ERCC6L2: variants seen among roughly 807,000 people sequenced by gnomAD.
ERCC6L2 encodes ERCC excision repair 6 like 2, also known as DNA excision repair protein ERCC-6-like 2.
In ERCC6L2, 77 loss-of-function variants were observed where a neutral mutation model predicts 132.0. The ratio of observed to expected loss-of-function variants is 0.58; its 90% confidence interval spans 0.49 to 0.71. The LOEUF (loss-of-function observed/expected upper bound fraction) is 0.71. ERCC6L2 is among the 30% of genes least tolerant of loss of function. The pLI is 0.00. For synonymous variants in ERCC6L2, 583 were observed against 632.4 expected, an observed-to-expected ratio of 0.92 and a Z score of 1.17; for missense variants, 1,542 against 1,837.6, an observed-to-expected ratio of 0.84 and a Z score of 2.94.
At chr9:95,964,511 A>G (rs1832063874) in intron 13 of ERCC6L2, among the ~76,000 whole-genome samples, 1 of 152,202 alleles carries the variant, frequency 6.6e-6, no homozygotes. Flanking sequence ...CATCTCTGCT[A>G]GCTCTGACCC....
At chr9:96,020,022 A>G (rs1834257540), downstream of ERCC6L2, 1 of 152,274 alleles carries the variant, frequency 6.6e-6, no homozygotes, top group Non-Finnish European at 1.5e-5. Context: ...TTTCTCTACT[A>G]AAAATACACA....
rs1046789934 is a variant in ERCC6L2 at position 95,972,483 on chromosome 9, CTG to C, written c.2733_2734del (p.Arg913IlefsTer5). On this transcript the variant is annotated frameshift_variant, in exon 16 of 19. Coordinates refer to ENST00000653738, the MANE Select transcript of ERCC6L2 (RefSeq NM_020207.7). LOFTEE classifies it high-confidence loss of function. ...GTCATCTGTCCTACACAATACACAA[CTG>C]AGAGATTCCCCGACAATAGTATAAG... 3 of 1,289,660 alleles carry C rather than the reference CTG, an allele frequency of 2.3e-6. No individual in the cohort carries two copies. The highest frequency in any genetic ancestry group is 2.0e-6 in the Non-Finnish European group (2 of 988,862). The allele number at this position is 1,289,660 out of a possible 1,614,324, so 79.9% of individuals were successfully genotyped here.
At chr9:95,979,199 TATCTC>T (rs1246320485) in intron 17 of ERCC6L2, among the ~76,000 whole-genome samples, 2 of 152,194 alleles carry the variant, frequency 1.3e-5, no homozygotes, top group Non-Finnish European at 2.9e-5. Flanking sequence ...TATGTAGTGA[TATCTC>T]AGCTAGTGCA....
Position 95,880,999 on chromosome 9 carries a change from T to C in ERCC6L2, c.177T>C (p.Phe59=), listed in dbSNP as rs751470034. 1.4e-5 allele frequency: 22 copies of C among 1,613,926 alleles called. No individual in the cohort carries two copies. The highest frequency in any genetic ancestry group is 1.9e-5 in the Non-Finnish European group (22 of 1,179,940). ...KSFAVVLYAD[F]QERKIPLKQL... ...TTGCAGTCGTCTTATATGCAGATTT[T>C]CAAGAAAGGAAAATACCTCTTAAAC... The change falls in exon 2 of 19, where the codon TTT becomes TTC. Residue 59 remains phenylalanine (F), a synonymous_variant. Coordinates refer to ENST00000653738, the MANE Select transcript of ERCC6L2 (RefSeq NM_020207.7).
chr9:95,953,174 C>G, intron 12 of ERCC6L2, among the ~76,000 whole-genome samples: 1 of 152,068 alleles, frequency 6.6e-6, no homozygotes, highest in South Asian at 2.1e-4. Flanking sequence ...GTGGATATAC[C>G]TAATGCCACT....
chr9:96,025,466 G>A (rs1017409283), intron 19 of ERCC6L2, among the ~76,000 whole-genome samples: 1 of 152,206 alleles, frequency 6.6e-6, no homozygotes, highest in Non-Finnish European at 1.5e-5. Flanking sequence ...GAATGCCTCC[G>A]AGGCCCCCTT....
intron 17 of ERCC6L2, among the ~76,000 whole-genome samples, chr9:95,980,860 A>G (rs1832863103): frequency 6.6e-6 from 1 of 152,000 alleles, no homozygotes; most frequent in East Asian, 1.9e-4. Context: ...TCTCCAAAAA[A>G]CCTCAGACCT....
At chr9:96,005,271 C>A (rs1292783496) in intron 18 of ERCC6L2, among the ~76,000 whole-genome samples, 1 of 151,852 alleles carries the variant, frequency 6.6e-6, no homozygotes, top group Non-Finnish European at 1.5e-5. Context: ...CGAGATTGCG[C>A]CACTGCACTC....
At chr9:96,006,153 T>C (rs1309356918) in intron 18 of ERCC6L2, among the ~76,000 whole-genome samples, 1 of 152,180 alleles carries the variant, frequency 6.6e-6, no homozygotes, top group Non-Finnish European at 1.5e-5. Context: ...GCATAGAGTT[T>C]ATAAATGGTC....
intron 17 of ERCC6L2, among the ~76,000 whole-genome samples, chr9:95,982,123 A>C (rs183437139): frequency 9.2e-5 from 14 of 152,310 alleles, no homozygotes; most frequent in Non-Finnish European, 1.8e-4. Flanking sequence ...GTCGCTTTGT[A>C]GTAAAACCTG....
chr9:95,939,283 C>CT (rs571836499), intron 11 of ERCC6L2, among the ~76,000 whole-genome samples: 7,390 of 141,994 alleles, frequency 0.052, 231 homozygotes, highest in Non-Finnish European at 0.08. Flanking sequence ...CCTTATTCTG[C>CT]TTTTTTTTTT....
At chr9:96,008,490 C>CCTCTG (rs1323767291) in intron 18 of ERCC6L2, among the ~76,000 whole-genome samples, 1 of 152,064 alleles carries the variant, frequency 6.6e-6, no homozygotes, top group Non-Finnish European at 1.5e-5. Context: ...TTCTTTGTGC[C>CCTCTG]CTCTGAGTCA....
At chr9:95,893,776 C>T (rs1389809811) in intron 2 of ERCC6L2, among the ~76,000 whole-genome samples, 1 of 152,004 alleles carries the variant, frequency 6.6e-6, no homozygotes, top group Non-Finnish European at 1.5e-5. Flanking sequence ...ATTTTTTCTT[C>T]ATCAATTTTG....
intron 17 of ERCC6L2, among the ~76,000 whole-genome samples, chr9:95,991,143 C>T (rs1833285504): frequency 6.6e-6 from 1 of 151,844 alleles, no homozygotes; most frequent in Non-Finnish European, 1.5e-5. Context: ...GGGTAAGGGG[C>T]AAGCCAGAAA....
chr9:95,936,516 C>G (rs966531911), intron 11 of ERCC6L2, among the ~76,000 whole-genome samples: 2 of 152,134 alleles, frequency 1.3e-5, no homozygotes, highest in Non-Finnish European at 2.9e-5. Context: ...AGAATCCATT[C>G]TGTGTTAAGG....
chr9:95,993,221 G>T (rs1588033513), intron 17 of ERCC6L2, among the ~76,000 whole-genome samples: 1 of 152,174 alleles, frequency 6.6e-6, no homozygotes, highest in South Asian at 2.1e-4. Flanking sequence ...AATGGAAAGA[G>T]TAAGTGGCAA....
At chr9:95,969,384 A>G (rs1446738546) in intron 14 of ERCC6L2, among the ~76,000 whole-genome samples, 1 of 152,196 alleles carries the variant, frequency 6.6e-6, no homozygotes, top group Non-Finnish European at 1.5e-5. Flanking sequence ...CTGAGAGATG[A>G]TGTCGGCTTG....
chr9:95,907,843 A>C (rs969316393), intron 4 of ERCC6L2, among the ~76,000 whole-genome samples: 6 of 150,146 alleles, frequency 4.0e-5, no homozygotes, highest in African/African-American at 1.5e-4. Context: ...ACACACACAC[A>C]CACACACACA....
intron 3 of ERCC6L2, among the ~76,000 whole-genome samples, chr9:95,900,392 A>C (rs954503470): frequency 6.6e-6 from 1 of 152,118 alleles, no homozygotes; most frequent in African/African-American, 2.4e-5. Flanking sequence ...GTCTCAAAAA[A>C]AAAAAAAGTT....
Sources: gnomAD v4.1 joint callset for allele counts (sites outside exome capture counted in the v4.1 genomes callset) on GRCh38, gnomAD v4.1.1 for gene constraint, MANE v1.5 for transcripts, NCBI Gene and HGNC (gene_info 2026-07-23, HGNC 2026-07-21) for gene names.